The following GALNT17 variants were observed in gnomAD, a reference collection of about 807,000 sequenced individuals.
The protein encoded by GALNT17 is UDP-GalNAc:polypeptide N-acetylgalactosaminyltransferase-like 3.
GALNT17 carries 29 observed loss-of-function variants against 63.7 expected under a neutral mutation model. That is an observed-to-expected ratio of 0.46 (90% CI 0.34 to 0.62). The LOEUF (loss-of-function observed/expected upper bound fraction) is 0.62, where lower values mean the gene tolerates loss of function less well. Ranked by LOEUF, GALNT17 falls within the 20% of genes least tolerant of loss-of-function variation. The probability of loss-of-function intolerance (pLI) is 0.01; values close to 1 mark genes in which losing one functional copy is unlikely to be tolerated. For synonymous variants in GALNT17, 305 were observed against 318.3 expected, an observed-to-expected ratio of 0.96 and a Z score of 0.45; for missense variants, 603 against 799.6, an observed-to-expected ratio of 0.75 and a Z score of 2.97.
intron 1 of GALNT17, among the ~76,000 whole-genome samples, chr7:71,149,877 T>G (rs1337290770): frequency 6.6e-6 from 1 of 152,152 alleles, no homozygotes; most frequent in African/African-American, 2.4e-5. Flanking sequence ...TGGCTTTAAT[T>G]GGGCAAGATC....
intron 2 of GALNT17, among the ~76,000 whole-genome samples, chr7:71,343,263 A>T (rs1056845378): frequency 1.3e-5 from 2 of 152,174 alleles, no homozygotes; most frequent in African/African-American, 2.4e-5. Context: ...TTATTCCCCA[A>T]TGGATAGGAT....
intron 2 of GALNT17, among the ~76,000 whole-genome samples, chr7:71,368,097 G>C (rs1293019569): frequency 1.3e-5 from 2 of 152,234 alleles, no homozygotes; most frequent in Admixed American, 1.3e-4. Flanking sequence ...GACGTGGGGA[G>C]GGGGAGGATT....
intron 6 of GALNT17, among the ~76,000 whole-genome samples, chr7:71,651,286 C>T (rs1790751141): frequency 6.8e-6 from 1 of 147,358 alleles, no homozygotes; most frequent in Non-Finnish European, 1.5e-5. Context: ...CTAGACATGC[C>T]TGATCCAGGC....
chr7:71,360,742 G>A lies in GALNT17; in HGVS notation c.422+25009G>A, dbSNP rs190258712. On this transcript the variant is annotated intron_variant, in intron 2 of 10. Transcript: ENST00000333538. ...GAGGCCAGGAGTTCAAGACCAGCCT[G>A]GCCAACGTGGCAAAACCCCGTCTCT... Among the ~76,000 whole-genome samples the A allele has an allele frequency of 5.6e-4, 86 of 152,248 alleles. 1 individual carries two copies. Among genetic ancestry groups the A allele is most frequent in the Middle Eastern group, 6.8e-3 (2 of 294 alleles).
At chr7:71,677,410 GTTAT>G in intron 9 of GALNT17, 104 bp downstream of exon 9, 1 of 1,158,622 alleles carries the variant, frequency 8.6e-7, no homozygotes, top group Admixed American at 2.4e-5. Flanking sequence ...TACCTTGGTA[GTTAT>G]TTATTCTGAG....
At chr7:71,178,738 G>T (rs1336819203) in intron 1 of GALNT17, among the ~76,000 whole-genome samples, 4 of 152,044 alleles carry the variant, frequency 2.6e-5, no homozygotes, top group Non-Finnish European at 5.9e-5. Context: ...CTGATTTGGG[G>T]GTTAGATTCC....
At chr7:71,133,949 C>T (rs62459619) in intron 1 of GALNT17, among the ~76,000 whole-genome samples, 7,682 of 152,272 alleles carry the variant, frequency 0.05, 802 homozygotes, top group East Asian at 0.43. Flanking sequence ...CTCATGTTCT[C>T]AAACGAACTG....
At chr7:71,237,621 G>T (rs772912409) in intron 1 of GALNT17, among the ~76,000 whole-genome samples, 3 of 152,074 alleles carry the variant, frequency 2.0e-5, no homozygotes, top group Non-Finnish European at 4.4e-5. Context: ...GGAGCTTGAG[G>T]CTACTGCGAG....
At chr7:71,285,522 G>GTTT (rs1480541906) in intron 1 of GALNT17, among the ~76,000 whole-genome samples, 1 of 152,226 alleles carries the variant, frequency 6.6e-6, no homozygotes, top group Non-Finnish European at 1.5e-5. Context: ...TGGACTGGAT[G>GTTT]TTAGTGTGTT....
chr7:71,354,753 A>G (rs182648860), intron 2 of GALNT17, among the ~76,000 whole-genome samples: 75 of 152,310 alleles, frequency 4.9e-4, no homozygotes, highest in South Asian at 1.9e-3. Context: ...CTCTGGAACA[A>G]TTTATGGAGC....
intron 5 of GALNT17, among the ~76,000 whole-genome samples, chr7:71,436,544 T>C (rs9942612): frequency 0.92 from 139,839 of 151,698 alleles, 64,713 homozygotes; most frequent in African/African-American, 0.95. Flanking sequence ...ATGGTGAAAC[T>C]CTGTCTTTAC....
intron 6 of GALNT17, among the ~76,000 whole-genome samples, chr7:71,633,527 A>G (rs1790486832): frequency 6.6e-6 from 1 of 152,294 alleles, no homozygotes; most frequent in Middle Eastern, 3.4e-3. Flanking sequence ...GGCCGAGGAA[A>G]TGAATGCGGC....
intron 5 of GALNT17, among the ~76,000 whole-genome samples, chr7:71,548,047 G>GT (rs560397698): frequency 6.6e-6 from 1 of 151,806 alleles, no homozygotes; most frequent in Non-Finnish European, 1.5e-5. Context: ...GACCAACATG[G>GT]TGAAACCCTG....
intron 1 of GALNT17, among the ~76,000 whole-genome samples, chr7:71,287,388 C>A (rs1790894364): frequency 6.6e-6 from 1 of 152,122 alleles, no homozygotes; most frequent in African/African-American, 2.4e-5. Context: ...CCACACCCGG[C>A]TGCTTTTAAG....
At chr7:71,660,280 G>T (rs1369666414) in intron 6 of GALNT17, among the ~76,000 whole-genome samples, 1 of 152,118 alleles carries the variant, frequency 6.6e-6, no homozygotes, top group African/African-American at 2.4e-5. Context: ...TGGGTTCTTT[G>T]CCTCCAGGAC....
intron 9 of GALNT17, among the ~76,000 whole-genome samples, chr7:71,682,072 G>A (rs588027): frequency 0.23 from 34,540 of 151,668 alleles, 4,185 homozygotes; most frequent in Non-Finnish European, 0.28. Flanking sequence ...GATTACAGGC[G>A]CCCACCACCA....
chr7:71,347,353 T>C (rs1004672860), intron 2 of GALNT17, among the ~76,000 whole-genome samples: 2 of 152,188 alleles, frequency 1.3e-5, no homozygotes, highest in Non-Finnish European at 2.9e-5. Context: ...ATATGTAAAA[T>C]GGTGATGTAA....
intron 9 of GALNT17, among the ~76,000 whole-genome samples, chr7:71,684,140 C>T (rs765423720): frequency 6.6e-6 from 1 of 152,094 alleles, no homozygotes; most frequent in Non-Finnish European, 1.5e-5. Flanking sequence ...AGGCTGTTGC[C>T]CTCCTGCACC....
chr7:71,699,650 C>T (rs530952943), intron 9 of GALNT17, among the ~76,000 whole-genome samples: 3 of 152,152 alleles, frequency 2.0e-5, no homozygotes, highest in African/African-American at 4.8e-5. Flanking sequence ...AAGATGAATG[C>T]GGCCTGGACA....
Sources: gnomAD v4.1 joint callset for allele counts (sites outside exome capture counted in the v4.1 genomes callset) on GRCh38, gnomAD v4.1.1 for gene constraint, MANE v1.5 for transcripts, NCBI Gene and HGNC (gene_info 2026-07-23, HGNC 2026-07-21) for gene names.